Variants in ALK observed in about 807,000 individuals in gnomAD.
ALK encodes ALK tyrosine kinase receptor.
In ALK, 74 loss-of-function variants were observed where a neutral mutation model predicts 163.1. That is an observed-to-expected ratio of 0.45 (90% CI 0.38 to 0.55). The LOEUF (loss-of-function observed/expected upper bound fraction) is 0.55, where lower values mean the gene tolerates loss of function less well. Ranked by LOEUF, ALK falls within the 20% of genes least tolerant of loss-of-function variation. The probability of loss-of-function intolerance (pLI) is 0.00; values close to 1 mark genes in which losing one functional copy is unlikely to be tolerated. For synonymous variants in ALK, 960 were observed against 843.2 expected, an observed-to-expected ratio of 1.14 and a Z score of -2.40; for missense variants, 2,063 against 2,105.3, an observed-to-expected ratio of 0.98 and a Z score of 0.39.
chr2:29,387,462 A>G (rs1217584820), intron 4 of ALK, among the ~76,000 whole-genome samples: 1 of 152,220 alleles, frequency 6.6e-6, no homozygotes, highest in African/African-American at 2.4e-5. Flanking sequence ...TTTCTGACCT[A>G]CAGGCTAGAA....
intron 4 of ALK, among the ~76,000 whole-genome samples, chr2:29,386,564 T>C (rs11683206): frequency 0.014 from 2,165 of 152,376 alleles, 19 homozygotes; most frequent in Middle Eastern, 0.027. Flanking sequence ...GCCAAAATCA[T>C]AGCTCTCTGC....
chr2:29,832,784 T>C (rs1665454926), intron 1 of ALK, among the ~76,000 whole-genome samples: 2 of 152,200 alleles, frequency 1.3e-5, no homozygotes, highest in Admixed American at 6.5e-5. Flanking sequence ...CCCATCTTCA[T>C]GGGTCTCAAA....
chr2:29,386,104 C>T (rs1200498475), intron 4 of ALK, among the ~76,000 whole-genome samples: 1 of 152,226 alleles, frequency 6.6e-6, no homozygotes, highest in African/African-American at 2.4e-5. Flanking sequence ...CAGCGCGGTG[C>T]TCCTGGATGG....
At chr2:29,332,366 A>C (rs1381330938) in intron 5 of ALK, among the ~76,000 whole-genome samples, 3 of 141,062 alleles carry the variant, frequency 2.1e-5, no homozygotes, top group Non-Finnish European at 3.0e-5. Flanking sequence ...AATCTAGGCT[A>C]TGTCTGTTTC....
At chr2:29,489,233 T>C (rs58421217) in intron 4 of ALK, among the ~76,000 whole-genome samples, 2,741 of 152,326 alleles carry the variant, frequency 0.018, 33 homozygotes, top group Middle Eastern at 0.068. Context: ...TAGTACTTAA[T>C]AGATGCTCAA....
intron 6 of ALK, among the ~76,000 whole-genome samples, chr2:29,322,835 A>G (rs1429320271): frequency 6.6e-6 from 1 of 152,208 alleles, no homozygotes; most frequent in African/African-American, 2.4e-5. Flanking sequence ...ACTCCATCTC[A>G]AACAAACAAG....
At chr2:29,744,594 A>G (rs768868659) in intron 1 of ALK, among the ~76,000 whole-genome samples, 3 of 151,780 alleles carry the variant, frequency 2.0e-5, no homozygotes, top group Non-Finnish European at 4.4e-5. Context: ...CTTTTCTGGG[A>G]AATTATTTTA....
chr2:29,808,374 G>A (rs984583593), intron 1 of ALK, among the ~76,000 whole-genome samples: 3 of 152,164 alleles, frequency 2.0e-5, no homozygotes, highest in Non-Finnish European at 2.9e-5. Flanking sequence ...GAAGCCACGT[G>A]ACTTCTCTGA....
intron 9 of ALK, among the ~76,000 whole-genome samples, chr2:29,286,154 G>A (rs958561300): frequency 2.0e-5 from 3 of 152,136 alleles, no homozygotes; most frequent in South Asian, 4.1e-4. Context: ...GTATCTGGAC[G>A]TCAATGCACC....
At chr2:29,608,247 C>T (rs1675594861) in intron 3 of ALK, among the ~76,000 whole-genome samples, 1 of 152,216 alleles carries the variant, frequency 6.6e-6, no homozygotes, top group African/African-American at 2.4e-5. Context: ...ATATTCTCTA[C>T]ATCTGCTTAT....
intron 3 of ALK, among the ~76,000 whole-genome samples, chr2:29,665,566 G>A (rs1483514139): frequency 6.6e-6 from 1 of 151,974 alleles, no homozygotes; most frequent in Non-Finnish European, 1.5e-5. Context: ...TAAGTACCAG[G>A]CTGTGAGTTC....
At chr2:29,282,134 T>C (rs565315656) in intron 9 of ALK, among the ~76,000 whole-genome samples, 13 of 151,990 alleles carry the variant, frequency 8.6e-5, no homozygotes, top group Non-Finnish European at 1.6e-4. Flanking sequence ...AAGAAGGGAG[T>C]GTCCTGCATC....
At chr2:29,814,976 AAATGAATG>A (rs34886147) in intron 1 of ALK, among the ~76,000 whole-genome samples, 18 of 142,120 alleles carry the variant, frequency 1.3e-4, no homozygotes, top group South Asian at 2.4e-4. Flanking sequence ...ATTTAATCTG[AAATGAATG>A]AATGAATGAA....
intron 5 of ALK, among the ~76,000 whole-genome samples, chr2:29,372,005 A>T (rs745544757): frequency 2.0e-5 from 3 of 152,214 alleles, no homozygotes; most frequent in Non-Finnish European, 4.4e-5. Context: ...ATTTGCGTGC[A>T]GTTTGCATTG....
intron 1 of ALK, among the ~76,000 whole-genome samples, chr2:29,777,013 G>A (rs898838376): frequency 2.6e-5 from 4 of 152,058 alleles, no homozygotes; most frequent in African/African-American, 9.7e-5. Flanking sequence ...TCTGTAATTG[G>A]TAGGGGGCCA....
intron 5 of ALK, among the ~76,000 whole-genome samples, chr2:29,339,233 ACT>A (rs1195054003): frequency 7.0e-6 from 1 of 143,538 alleles, no homozygotes. Flanking sequence ...ACAGGGCGAG[ACT>A]CTATCTCAAA....
At chr2:29,505,184 G>A (rs1318507239) in intron 4 of ALK, among the ~76,000 whole-genome samples, 1 of 152,184 alleles carries the variant, frequency 6.6e-6, no homozygotes, top group Admixed American at 6.5e-5. Context: ...AGCCTGCTCT[G>A]GGTTCTCAGG....
intron 13 of ALK, 95 bp downstream of exon 13, chr2:29,239,585 C>A: frequency 6.8e-7 from 1 of 1,461,084 alleles, no homozygotes; most frequent in Non-Finnish European, 9.5e-7. Flanking sequence ...CTGGTATGAA[C>A]TTCCAGGAGG....
intron 5 of ALK, among the ~76,000 whole-genome samples, chr2:29,329,783 C>A (rs61108956): frequency 0.32 from 49,303 of 152,142 alleles, 9,790 homozygotes; most frequent in East Asian, 0.76. Context: ...AACATGAAGC[C>A]CAGCTTGTTT....
Sources: gnomAD v4.1 joint callset for allele counts (sites outside exome capture counted in the v4.1 genomes callset) on GRCh38, gnomAD v4.1.1 for gene constraint, MANE v1.5 for transcripts, NCBI Gene and HGNC (gene_info 2026-07-23, HGNC 2026-07-21) for gene names.